The following ASB2 variants were observed in gnomAD, a reference collection of about 807,000 sequenced individuals.
ASB2 encodes the protein ankyrin repeat and SOCS box protein 2.
A neutral mutation model predicts 62.4 loss-of-function variants in ASB2; 58 were observed. That is an observed-to-expected ratio of 0.93 (90% CI 0.75 to 1.16). The LOEUF (loss-of-function observed/expected upper bound fraction) is 1.16, where lower values mean the gene tolerates loss of function less well. ASB2 is among the 50% of genes most tolerant of loss of function. The pLI is 0.00. For missense variants in ASB2, 928 were observed against 887.9 expected (o/e 1.05, Z -0.57); for synonymous variants, 386 against 385.3 (o/e 1.00, Z -0.02).
intron 1 of ASB2, among the ~76,000 whole-genome samples, chr14:93,972,019 TTATA>T (rs1054417825): frequency 2.0e-5 from 3 of 148,142 alleles, no homozygotes; most frequent in African/African-American, 4.9e-5. Context: ...TAATAGGTAA[TTATA>T]TATTTTTATA....
Position 93,939,584 on chromosome 14 carries a change from G to A in ASB2, c.1141C>T (p.His381Tyr). Reference sequence around the variant, plus strand: ...AGCAGCGCCTCCAGCACCTCGTCGTGGTTGCGCTCGGCCGCCAGGTGCAGC... The same window carrying A: ...AGCAGCGCCTCCAGCACCTCGTCGTAGTTGCGCTCGGCCGCCAGGTGCAGC... ...SPLHLAAERN[H>Y]DEVLEALLSA... The change falls in exon 8 of 10, where the codon CAC becomes TAC. Residue 381 changes from histidine to tyrosine, a missense_variant. Transcript: ENST00000555019. 6.3e-7 allele frequency: 1 copy of A among 1,577,322 alleles called. No individual in the cohort carries two copies. Among genetic ancestry groups the A allele is most frequent in the Non-Finnish European group, 8.6e-7 (1 of 1,166,822 alleles).
At chr14:93,967,839 G>C (rs1950350) in intron 1 of ASB2, among the ~76,000 whole-genome samples, 9,264 of 151,978 alleles carry the variant, frequency 0.061, 309 homozygotes, top group Non-Finnish European at 0.068. Flanking sequence ...TGGAGGTCAG[G>C]ACCCCTAAGT....
rs1415986758 is a variant in ASB2 at position 93,954,363 on chromosome 14, C to T, written c.432G>A (p.Glu144=). Residue 144 remains glutamate, a synonymous_variant, in exon 4 of 10, where the codon GAG becomes GAA. Transcript: ENST00000555019. ...PNKEGWLPLH[E]AAYYGQVGCL... ...AGCCCACCTGGCCATAGTATGCGGC[C>T]TCGTGCAGCGGCAGCCAGCCCTCCT... 1.9e-6 allele frequency: 3 copies of T among 1,613,918 alleles called. No individual in the cohort carries two copies. Among genetic ancestry groups the T allele is most frequent in the Non-Finnish European group, 2.5e-6 (3 of 1,179,964 alleles).
At position 93,954,382 on chromosome 14, in the gene ASB2, C is replaced by T. The variant is rs751861180; in HGVS notation, c.413G>A (p.Gly138Asp). The stretch of plus-strand genomic sequence containing the variant: ...TGCGGCCTCGTGCAGCGGCAGCCAG[C>T]CCTCCTTGTTGGGCTCTGCGAGATT... ...GKNLAEPNKE[G>D]WLPLHEAAYY... is the part of the protein sequence containing the mutation. Residue 138 changes from glycine (G) to aspartate (D), a missense_variant, in exon 4 of 10, where the codon GGC (glycine) becomes GAC (aspartate). Gly to Asp is a moderately conservative substitution (Grantham distance 94). Coordinates refer to ENST00000555019, the MANE Select transcript of ASB2 (RefSeq NM_001202429.2). The T allele has an allele frequency of 6.2e-7, 1 of 1,614,052 alleles. No homozygotes were observed. Among genetic ancestry groups the T allele is most frequent in the Non-Finnish European group, 8.5e-7 (1 of 1,179,932 alleles).
At position 93,939,841 on chromosome 14, in the gene ASB2, C is replaced by T. The variant is rs1044020688; in HGVS notation, c.1053-169G>A. 3.1e-5 allele frequency: 16 copies of T among 512,584 alleles called. No individual in the cohort carries two copies. The African/African-American group carries it at 3.2e-4, about 10-fold the overall frequency. 31.8% of individuals were successfully genotyped at this position (512,584 alleles called of 1,614,324 possible). A position where few individuals can be genotyped will look rare whatever the true frequency, so the allele number is the denominator to read the frequency against. On this transcript the variant is annotated intron_variant, in intron 7 of 9. Transcript: ENST00000555019. ...GGCGCCGCGGGTCAACCATTCTCAC[C>T]CCACTGGGCAGGGTGGGTCGGCTGC...
At chr14:93,972,978 T>C (rs1889803923) in intron 1 of ASB2, among the ~76,000 whole-genome samples, 2 of 152,280 alleles carry the variant, frequency 1.3e-5, no homozygotes, top group Admixed American at 1.3e-4. Flanking sequence ...CTCAGACCTT[T>C]TGATGCTGAT....
chr14:93,967,539 G>A (rs1238375885), intron 1 of ASB2, among the ~76,000 whole-genome samples: 1 of 152,256 alleles, frequency 6.6e-6, no homozygotes, highest in East Asian at 1.9e-4. Context: ...CATAGGCTGA[G>A]CTATAATTGC....
In ASB2 at chr14:93,939,138, G is replaced by A; in HGVS notation, c.1587C>T (p.Pro529=). Residue 529 remains proline, a synonymous_variant, in exon 8 of 10, where the codon CCC becomes CCT. Coordinates refer to ENST00000555019, the MANE Select transcript of ASB2 (RefSeq NM_001202429.2). ...PQPSSRFNDA[P]AADKEPSVVQ... ...CCACGCTGGGCTCCTTGTCGGCCGC[G>A]GGCGCGTCGTTGAACCTGCTGGAGG... 1 of 1,550,920 alleles carries A rather than the reference G, an allele frequency of 6.4e-7. No homozygotes were observed. Among genetic ancestry groups the A allele is most frequent in the Middle Eastern group, 1.9e-4 (1 of 5,268 alleles).
chr14:93,939,252 C>T lies in ASB2; in HGVS notation c.1473G>A (p.Leu491=), dbSNP rs1306096619. The change falls in exon 8 of 10, where the codon CTG becomes CTA. Residue 491 remains leucine (L), a synonymous_variant. Coordinates refer to ENST00000555019, the MANE Select transcript of ASB2 (RefSeq NM_001202429.2). ...TIMFAMKCLS[L]LKFLMDLGCD... ...AGCCCAGGTCCATGAGGAACTTGAGCAGCGACAGGCACTTCATGGCGAACA... is the reference window on the plus strand; with the variant it reads ...AGCCCAGGTCCATGAGGAACTTGAGTAGCGACAGGCACTTCATGGCGAACA... The T allele has an allele frequency of 1.9e-6, 3 of 1,609,562 alleles. No individual in the cohort carries two copies. Among genetic ancestry groups the T allele is most frequent in the Non-Finnish European group, 2.5e-6 (3 of 1,176,958 alleles).
At chr14:93,970,943 G>A (rs1889740888) in intron 1 of ASB2, among the ~76,000 whole-genome samples, 1 of 152,194 alleles carries the variant, frequency 6.6e-6, no homozygotes, top group Non-Finnish European at 1.5e-5. Context: ...AAATCTGCTC[G>A]TGTTATTCCA....
Position 93,947,468 on chromosome 14 carries a change from G to A in ASB2, c.933C>T (p.Ala311=). Residue 311 remains alanine (A), a synonymous_variant, in exon 7 of 10, where the codon GCC becomes GCT. Coordinates refer to ENST00000555019, the MANE Select transcript of ASB2 (RefSeq NM_001202429.2). The part of the protein sequence containing the change: ...ASDNASALYE[A]CKNEHEEVVE... ...CCACCTCCTCATGCTCATTCTTGCA[G>A]GCCTCGTAGAGGGCAGACGCGTTGT... 6.2e-7 allele frequency: 1 copy of A among 1,614,230 alleles called. No individual in the cohort carries two copies. Among genetic ancestry groups the A allele is most frequent in the South Asian group, 1.1e-5 (1 of 91,090 alleles).
At chr14:93,965,019 C>G (rs1374079619) in intron 1 of ASB2, among the ~76,000 whole-genome samples, 1 of 152,148 alleles carries the variant, frequency 6.6e-6, no homozygotes, top group African/African-American at 2.4e-5. Context: ...CACTACTCAT[C>G]ATTCATCCAT....
At chr14:93,950,450 G>C (rs1323547730) in intron 6 of ASB2, among the ~76,000 whole-genome samples, 1 of 152,212 alleles carries the variant, frequency 6.6e-6, no homozygotes, top group Non-Finnish European at 1.5e-5. Context: ...CTGGGTTCAA[G>C]TCCCAGCTCT....
In ASB2 at chr14:93,937,713, T is replaced by C. The variant is rs769737457; in HGVS notation, c.1756A>G (p.Ile586Val). The C allele has an allele frequency of 6.2e-7, 1 of 1,608,130 alleles. No homozygotes were observed. Among genetic ancestry groups the C allele is most frequent in the South Asian group, 1.1e-5 (1 of 90,944 alleles). Residue 586 changes from isoleucine to valine, a missense_variant, in exon 9 of 10, where the codon ATC becomes GTC. Transcript: ENST00000555019. ...AAGTCCCTACCTGCCTTCTCCTTGA[T>C]GACGGCCCAGTCCTCAAAGCTGTCG... ...HIDSFEDWAV[I>V]KEKAEPPRPL...
Position 93,939,307 on chromosome 14 carries a change from G to A in ASB2, c.1418C>T (p.Thr473Met), listed in dbSNP as rs1360559987. 2 of 1,609,376 alleles carry A rather than the reference G, an allele frequency of 1.2e-6. No homozygotes were observed. Among genetic ancestry groups the A allele is most frequent in the African/African-American group, 1.3e-5 (1 of 74,854 alleles). Residue 473 changes from threonine to methionine, a missense_variant, in exon 8 of 10, where the codon ACG becomes ATG. By Grantham distance (81) the Thr-to-Met change is moderately conservative. Transcript: ENST00000555019. Reference protein sequence around the residue: ...HGANIDAYIATHPTAFPATIM... With the variant: ...HGANIDAYIAMHPTAFPATIM... ...GGTGGCGGGGAAGGCGGTGGGGTGCGTGGCGATATAGGCGTCGATGTTCGC... is the reference window on the plus strand; with the variant it reads ...GGTGGCGGGGAAGGCGGTGGGGTGCATGGCGATATAGGCGTCGATGTTCGC...
intron 4 of ASB2, 139 bp downstream of exon 4, chr14:93,954,173 ATGACT>A (rs1045594048): frequency 2.8e-6 from 2 of 705,692 alleles, no homozygotes; most frequent in Non-Finnish European, 4.9e-6. Flanking sequence ...TCGTAACTCC[ATGACT>A]AACTGACAAA....
intron 7 of ASB2, chr14:93,941,707 C>G (rs1433549510): frequency 1.5e-5 from 7 of 456,010 alleles, no homozygotes; most frequent in Non-Finnish European, 3.1e-5. Context: ...GAGGGGCTGC[C>G]CCGGGGCCGC....
intron 7 of ASB2, chr14:93,944,156 C>G: frequency 2.7e-6 from 1 of 366,864 alleles, no homozygotes; most frequent in Non-Finnish European, 5.4e-6. Context: ...CAGGTGGGGC[C>G]CAGGCATCAG....
chr14:93,965,639 C>A (rs1225355920), intron 1 of ASB2, among the ~76,000 whole-genome samples: 1 of 152,218 alleles, frequency 6.6e-6, no homozygotes, highest in East Asian at 1.9e-4. Flanking sequence ...TTGGTCCTGG[C>A]TGAACATTGA....
Sources: gnomAD v4.1 joint callset for allele counts (sites outside exome capture counted in the v4.1 genomes callset) on GRCh38, gnomAD v4.1.1 for gene constraint, MANE v1.5 for transcripts, NCBI Gene and HGNC (gene_info 2026-07-23, HGNC 2026-07-21) for gene names.